The following SAMTOR variants were observed in gnomAD, a reference collection of about 807,000 sequenced individuals.
SAMTOR encodes UPF0532 protein C7orf60.
At chr7:112,836,910 T>C in the SAMTOR span, among the ~76,000 whole-genome samples, 1 of 152,122 alleles carries the variant, frequency 6.6e-6, no homozygotes, top group Non-Finnish European at 1.5e-5. Context: ...TGCTTAGAAT[T>C]GCCTTGGTGA....
the SAMTOR span, chr7:112,939,828 G>C: frequency 3.4e-6 from 4 of 1,170,682 alleles, no homozygotes; most frequent in Non-Finnish European, 4.8e-6. Flanking sequence ...GGTAGGAGGA[G>C]GGAGCTGCGG....
chr7:112,857,649 T>G, the SAMTOR span, among the ~76,000 whole-genome samples: 1 of 152,210 alleles, frequency 6.6e-6, no homozygotes, highest in African/African-American at 2.4e-5. Context: ...TATTGTGTCT[T>G]TGCATCACAG....
chr7:112,926,523 C>A, the SAMTOR span, among the ~76,000 whole-genome samples: 2 of 152,236 alleles, frequency 1.3e-5, no homozygotes, highest in East Asian at 3.9e-4. Context: ...TCAGATTAAC[C>A]AAACAACTTC....
chr7:112,904,439 G>C, the SAMTOR span, among the ~76,000 whole-genome samples: 1 of 151,928 alleles, frequency 6.6e-6, no homozygotes, highest in African/African-American at 2.4e-5. Flanking sequence ...AAATAACTTG[G>C]GTCAGAGGGC....
the SAMTOR span, among the ~76,000 whole-genome samples, chr7:112,927,265 A>AT: frequency 1.5e-3 from 221 of 152,150 alleles, no homozygotes; most frequent in Middle Eastern, 0.017. Context: ...AATTTTAAGG[A>AT]TTTTTTTATC....
At chr7:112,855,032 T>C in the SAMTOR span, among the ~76,000 whole-genome samples, 1 of 152,154 alleles carries the variant, frequency 6.6e-6, no homozygotes, top group Non-Finnish European at 1.5e-5. Flanking sequence ...GCAGCAGCAA[T>C]GCAAAGTTCT....
the SAMTOR span, among the ~76,000 whole-genome samples, chr7:112,897,722 A>G: frequency 6.6e-6 from 1 of 152,234 alleles, no homozygotes; most frequent in African/African-American, 2.4e-5. Flanking sequence ...CAAAGTACAG[A>G]GTCAGATGAC....
At chr7:112,936,641 A>C in the SAMTOR span, among the ~76,000 whole-genome samples, 1 of 152,126 alleles carries the variant, frequency 6.6e-6, no homozygotes, top group Admixed American at 6.5e-5. Flanking sequence ...TTTCAATTCC[A>C]CTAATAGAGA....
At chr7:112,832,419 C>T in the SAMTOR span, 4 of 617,448 alleles carry the variant, frequency 6.5e-6, no homozygotes, top group East Asian at 1.2e-4. Context: ...CTCAATTATT[C>T]ACAAAATGTA....
chr7:112,918,999 G>A, the SAMTOR span, among the ~76,000 whole-genome samples: 1 of 152,026 alleles, frequency 6.6e-6, no homozygotes, highest in Non-Finnish European at 1.5e-5. Context: ...AATAATAATG[G>A]GAGACTTTAA....
chr7:112,847,375 T>C, the SAMTOR span, among the ~76,000 whole-genome samples: 18 of 152,354 alleles, frequency 1.2e-4, no homozygotes, highest in African/African-American at 4.3e-4. Flanking sequence ...CAGTATTTTG[T>C]TATCCAAACT....
the SAMTOR span, among the ~76,000 whole-genome samples, chr7:112,875,878 T>C: frequency 6.6e-6 from 1 of 152,082 alleles, no homozygotes; most frequent in Non-Finnish European, 1.5e-5. Context: ...TTTCTCTCTT[T>C]CTATTTTATC....
At chr7:112,843,851 T>C in the SAMTOR span, among the ~76,000 whole-genome samples, 1 of 151,848 alleles carries the variant, frequency 6.6e-6, no homozygotes, top group Admixed American at 6.6e-5. Context: ...AGAAATATCC[T>C]TGATGAACAC....
the SAMTOR span, among the ~76,000 whole-genome samples, chr7:112,880,948 G>A: frequency 6.6e-6 from 1 of 152,118 alleles, no homozygotes; most frequent in African/African-American, 2.4e-5. Flanking sequence ...CCGGGAACAG[G>A]TGGAAGACCC....
At chr7:112,841,254 G>A in the SAMTOR span, among the ~76,000 whole-genome samples, 2 of 151,770 alleles carry the variant, frequency 1.3e-5, no homozygotes, top group African/African-American at 4.8e-5. Context: ...AAAATCAATG[G>A]GCAAAAATCA....
the SAMTOR span, among the ~76,000 whole-genome samples, chr7:112,931,880 A>T: frequency 6.6e-6 from 1 of 151,600 alleles, no homozygotes; most frequent in Non-Finnish European, 1.5e-5. Flanking sequence ...GGGTTGAAAA[A>T]TTTTTATCTG....
At chr7:112,839,884 T>C in the SAMTOR span, among the ~76,000 whole-genome samples, 1 of 151,840 alleles carries the variant, frequency 6.6e-6, no homozygotes, top group Non-Finnish European at 1.5e-5. Context: ...AAATGTCTCC[T>C]TTATCTCTAG....
At chr7:112,865,659 A>ATACATACATATATTCATATATATTT in the SAMTOR span, among the ~76,000 whole-genome samples, 36 of 35,806 alleles carry the variant, frequency 1.0e-3, no homozygotes, top group Admixed American at 4.3e-3. Flanking sequence ...TCATATATAT[A>ATACATACATATATTCATATATATTT]TTTCATACAT....
At chr7:112,833,106 T>G in the SAMTOR span, among the ~76,000 whole-genome samples, 2 of 150,520 alleles carry the variant, frequency 1.3e-5, no homozygotes, top group Non-Finnish European at 3.0e-5. Flanking sequence ...TTTTAAAAAA[T>G]ATATTTTTTC....
Sources: allele counts gnomAD v4.1 joint callset (sites outside exome capture counted in the v4.1 genomes callset), GRCh38; gene constraint gnomAD v4.1.1; transcripts MANE v1.5; gene names NCBI Gene and HGNC (gene_info 2026-07-23, HGNC 2026-07-21).